SPIN1: variants seen among roughly 807,000 people sequenced by gnomAD.
The protein encoded by SPIN1 is spindlin 1, also known as spindlin-1.
In SPIN1, 3 loss-of-function variants were observed where a neutral mutation model predicts 26.0. That is an observed-to-expected ratio of 0.12 (90% confidence interval 0.05 to 0.30). The LOEUF (loss-of-function observed/expected upper bound fraction) is 0.30, where lower values mean the gene tolerates loss of function less well. Among genes scored for constraint, SPIN1 ranks in the 10% least tolerant of loss-of-function variants. The pLI is 1.00. For synonymous variants in SPIN1, 101 were observed against 116.5 expected, an observed-to-expected ratio of 0.87 and a Z score of 0.86; for missense variants, 126 against 333.4, an observed-to-expected ratio of 0.38 and a Z score of 4.84.
At chr9:88,455,468 T>C (rs879257603) in intron 3 of SPIN1, among the ~76,000 whole-genome samples, 1 of 152,166 alleles carries the variant, frequency 6.6e-6, no homozygotes, top group Non-Finnish European at 1.5e-5. Context: ...GAAAAAACAG[T>C]TGTGTTTTAT....
At chr9:88,391,276 T>C (rs1461361062) in intron 1 of SPIN1, 1 of 152,224 alleles carries the variant, frequency 6.6e-6, no homozygotes, top group Non-Finnish European at 1.5e-5. Context: ...AAATTATTGG[T>C]ATACAGGCTC....
chr9:88,433,727 ACTGT>A (rs1407094864), intron 2 of SPIN1, among the ~76,000 whole-genome samples: 7 of 152,140 alleles, frequency 4.6e-5, no homozygotes, highest in South Asian at 2.1e-4. Flanking sequence ...CCCAGACAAG[ACTGT>A]CTGTCATACC....
intron 2 of SPIN1, among the ~76,000 whole-genome samples, chr9:88,435,319 G>A (rs1328054468): frequency 4.6e-5 from 7 of 151,564 alleles, no homozygotes; most frequent in Admixed American, 1.3e-4. Flanking sequence ...GGACTCAAGC[G>A]AATCTCCTAC....
intron 4 of SPIN1, among the ~76,000 whole-genome samples, chr9:88,464,978 A>G (rs985463511): frequency 2.6e-5 from 4 of 152,226 alleles, no homozygotes; most frequent in Non-Finnish European, 4.4e-5. Flanking sequence ...TGACTATTCT[A>G]GATATCTCAT....
At chr9:88,464,623 T>C (rs1371486901) in intron 4 of SPIN1, among the ~76,000 whole-genome samples, 1 of 152,222 alleles carries the variant, frequency 6.6e-6, no homozygotes, top group African/African-American at 2.4e-5. Context: ...CAGTGGAGTT[T>C]CCCACTATCT....
chr9:88,462,271 A>T (rs1019406346), intron 3 of SPIN1, among the ~76,000 whole-genome samples: 4 of 152,212 alleles, frequency 2.6e-5, no homozygotes, highest in African/African-American at 4.8e-5. Flanking sequence ...GTTGAGGTGC[A>T]CAACAAGCTC....
chr9:88,445,995 TTTTTCTATTATTTTG>T (rs1828243162), intron 2 of SPIN1, among the ~76,000 whole-genome samples: 1 of 152,216 alleles, frequency 6.6e-6, no homozygotes, highest in Admixed American at 6.5e-5. Flanking sequence ...CTTTTTTTAA[TTTTTCTATTATTTTG>T]ATTGGCATAT....
intron 1 of SPIN1, among the ~76,000 whole-genome samples, chr9:88,405,536 C>CTTTTTTTTT (rs757565862): frequency 1.8e-5 from 2 of 110,732 alleles, no homozygotes; most frequent in Admixed American, 9.8e-5. Context: ...CTGTACTATC[C>CTTTTTTTTT]TTTTTTTTTT....
At chr9:88,408,555 T>C (rs1827362756) in intron 1 of SPIN1, among the ~76,000 whole-genome samples, 1 of 151,650 alleles carries the variant, frequency 6.6e-6, no homozygotes, top group Non-Finnish European at 1.5e-5. Context: ...TTTTGTATTT[T>C]TAGGAGAGAC....
intron 3 of SPIN1, among the ~76,000 whole-genome samples, chr9:88,451,487 T>C (rs986193726): frequency 2.0e-5 from 3 of 152,230 alleles, no homozygotes; most frequent in African/African-American, 7.2e-5. Context: ...TGGGTGAAAC[T>C]GGTGGATACA....
At chr9:88,420,409 T>C (rs1827647544) in intron 1 of SPIN1, among the ~76,000 whole-genome samples, 1 of 152,138 alleles carries the variant, frequency 6.6e-6, no homozygotes, top group Non-Finnish European at 1.5e-5. Flanking sequence ...CAAAAGAGTT[T>C]TACTCAAGTG....
intron 2 of SPIN1, among the ~76,000 whole-genome samples, chr9:88,444,538 C>T (rs769084695): frequency 2.1e-4 from 31 of 150,632 alleles, no homozygotes; most frequent in Non-Finnish European, 4.0e-4. Flanking sequence ...CCACCGCGCC[C>T]GGCCCCCATT....
At position 88,419,401 on chromosome 9, in the gene SPIN1, A is replaced by G. The variant is rs147299283; in HGVS notation, c.-158-6981A>G. ...GGAATGACACAGCAGCAGGGGACCC[A>G]TGCGTCAGGAATAAGAACCCCTTGC... On this transcript the variant is annotated intron_variant, in intron 1 of 5. Transcript: ENST00000375859. Among the ~76,000 whole-genome samples the G allele has an allele frequency of 7.8e-3, 1,182 of 152,322 alleles. 15 individuals carry two copies. The highest frequency in any genetic ancestry group is 0.025 in the African/African-American group (1,058 of 41,568).
At chr9:88,466,476 A>G (rs1828670770) in intron 4 of SPIN1, among the ~76,000 whole-genome samples, 2 of 152,186 alleles carry the variant, frequency 1.3e-5, no homozygotes, top group Non-Finnish European at 2.9e-5. Context: ...AAGAATGCAC[A>G]TGGAGTTCTG....
At chr9:88,410,970 G>C (rs988428857) in intron 1 of SPIN1, 16 of 1,334,982 alleles carry the variant, frequency 1.2e-5, no homozygotes, top group Non-Finnish European at 1.7e-5. Flanking sequence ...TGATATTTCT[G>C]AATGACAGTC....
chr9:88,410,663 C>T lies in SPIN1; in HGVS notation c.-158-15719C>T, dbSNP rs28704630. On this transcript the variant is annotated intron_variant, in intron 1 of 5. Transcript: ENST00000375859. ...GAGCTTCTGCCTCCAAAGTTTCCTT[C>T]CTTCGTGGGTCCAAAATTTGAAGAC... 4,683 of 1,276,672 alleles carry T rather than the reference C, an allele frequency of 3.7e-3. 139 individuals carry two copies. The African/African-American group carries it at 0.061, about 17-fold the overall frequency. 79.1% of individuals were successfully genotyped at this position (1,276,672 alleles called of 1,614,324 possible).
At chr9:88,399,069 T>C (rs557389785) in intron 1 of SPIN1, among the ~76,000 whole-genome samples, 58 of 151,288 alleles carry the variant, frequency 3.8e-4, no homozygotes, top group African/African-American at 1.4e-3. Context: ...TCTTGCTCTA[T>C]TGCCCAGGCT....
intron 1 of SPIN1, among the ~76,000 whole-genome samples, chr9:88,389,588 T>A (rs1232347388): frequency 2.0e-5 from 3 of 152,230 alleles, no homozygotes; most frequent in Non-Finnish European, 2.9e-5. Flanking sequence ...TATGGATTGT[T>A]TGGCAATTTT....
At chr9:88,472,275 A>C (rs943118011) in intron 5 of SPIN1, among the ~76,000 whole-genome samples, 1 of 152,214 alleles carries the variant, frequency 6.6e-6, no homozygotes, top group Non-Finnish European at 1.5e-5. Context: ...ACAAGACTTT[A>C]TAAGTCTTCT....
Sources: gnomAD v4.1 joint callset for allele counts (sites outside exome capture counted in the v4.1 genomes callset) on GRCh38, gnomAD v4.1.1 for gene constraint, MANE v1.5 for transcripts, NCBI Gene and HGNC (gene_info 2026-07-23, HGNC 2026-07-21) for gene names.